Variants in KCNH8 observed in about 807,000 individuals in gnomAD.
The protein encoded by KCNH8 is potassium voltage-gated channel subfamily H member 8, also known as voltage-gated delayed rectifier potassium channel KCNH8.
In KCNH8, 70 loss-of-function variants were observed where a neutral mutation model predicts 103.6. That is an observed-to-expected ratio of 0.68 (90% CI 0.56 to 0.82). KCNH8 has a LOEUF of 0.82. Ranked by LOEUF, KCNH8 falls within the 40% of genes least tolerant of loss-of-function variation. The probability of loss-of-function intolerance (pLI) is 0.00; values close to 1 mark genes in which losing one functional copy is unlikely to be tolerated. For missense variants in KCNH8, 1,217 were observed against 1,329.9 expected, an observed-to-expected ratio of 0.92 and a Z score of 1.32; for synonymous variants, 498 against 489.4, an observed-to-expected ratio of 1.02 and a Z score of -0.23.
Position 19,437,687 on chromosome 3 carries a change from A to G in KCNH8, c.1178-477A>G, listed in dbSNP as rs1205938480. Among the ~76,000 whole-genome samples, 3 of 152,234 alleles carry G rather than the reference A, an allele frequency of 2.0e-5. No individual in the cohort carries two copies. The East Asian group carries it at 5.8e-4, about 29-fold the overall frequency. ...AAGGGGAAGAGTTTTACAGAATGGA[A>G]ATAAAGTCTATCTCACCCAGACTTC... On this transcript the variant is annotated intron_variant, in intron 7 of 15. Transcript: ENST00000328405.
At chr3:19,349,075 A>G (rs988446801) in intron 5 of KCNH8, among the ~76,000 whole-genome samples, 2 of 152,012 alleles carry the variant, frequency 1.3e-5, no homozygotes, top group Admixed American at 1.3e-4. Context: ...GAGCCTTGAT[A>G]GGACCTCTGC....
chr3:19,335,036 T>A (rs2065563221), intron 3 of KCNH8, among the ~76,000 whole-genome samples: 2 of 151,996 alleles, frequency 1.3e-5, no homozygotes, highest in Admixed American at 1.3e-4. Context: ...TAAATTACCT[T>A]CATTCTCTCT....
intron 1 of KCNH8, among the ~76,000 whole-genome samples, chr3:19,216,380 A>T (rs527818470): frequency 3.3e-5 from 5 of 152,336 alleles, no homozygotes; most frequent in African/African-American, 9.6e-5. Context: ...GTAACTTTGG[A>T]CGAAATTCAA....
intron 3 of KCNH8, among the ~76,000 whole-genome samples, chr3:19,287,847 G>A (rs898769956): frequency 1.8e-4 from 27 of 151,982 alleles, no homozygotes; most frequent in African/African-American, 6.5e-4. Context: ...GCCTCCTGAA[G>A]TGTTAGGATT....
chr3:19,260,967 CAT>C (rs138181171), intron 2 of KCNH8, among the ~76,000 whole-genome samples: 13,065 of 131,912 alleles, frequency 0.099, 637 homozygotes, highest in East Asian at 0.16. Flanking sequence ...GAATAATATT[CAT>C]ATATATATAT....
intron 1 of KCNH8, among the ~76,000 whole-genome samples, chr3:19,211,328 G>A (rs1302190975): frequency 1.3e-5 from 2 of 152,300 alleles, no homozygotes; most frequent in East Asian, 3.9e-4. Flanking sequence ...TTTAAAAGAT[G>A]GAGAGCCTAC....
chr3:19,148,982 G>A (rs1211663329), intron 1 of KCNH8, among the ~76,000 whole-genome samples, 187 bp downstream of exon 1: 1 of 152,056 alleles, frequency 6.6e-6, no homozygotes, highest in Non-Finnish European at 1.5e-5. Flanking sequence ...ACTTTGTATT[G>A]GTGTAATAGT....
chr3:19,164,217 CAAG>C (rs2063260821), intron 1 of KCNH8, among the ~76,000 whole-genome samples: 1 of 152,110 alleles, frequency 6.6e-6, no homozygotes, highest in African/African-American at 2.4e-5. Flanking sequence ...ACTTGAGAGA[CAAG>C]GAGCCAGAGA....
chr3:19,440,160 G>A (rs554928138), intron 8 of KCNH8, among the ~76,000 whole-genome samples: 56 of 152,154 alleles, frequency 3.7e-4, no homozygotes, highest in African/African-American at 1.3e-3. Flanking sequence ...GCAGATTCAA[G>A]GGAAGACTTT....
intron 10 of KCNH8, among the ~76,000 whole-genome samples, chr3:19,451,785 AAATT>A (rs2067451887): frequency 1.3e-5 from 2 of 152,190 alleles, no homozygotes; most frequent in Non-Finnish European, 2.9e-5. Context: ...TTTTTGTGGA[AAATT>A]AATTCAGAGA....
intron 7 of KCNH8, among the ~76,000 whole-genome samples, chr3:19,408,320 A>T (rs2066725445): frequency 1.3e-5 from 2 of 151,862 alleles, no homozygotes; most frequent in Non-Finnish European, 1.5e-5. Flanking sequence ...AGGGAAAGAA[A>T]ATAATAATAA....
intron 7 of KCNH8, among the ~76,000 whole-genome samples, chr3:19,408,610 A>C (rs116147429): frequency 0.01 from 1,588 of 152,178 alleles, 24 homozygotes; most frequent in African/African-American, 0.036. Flanking sequence ...AATCAACACA[A>C]AAAAAATTCT....
At chr3:19,431,733 G>A (rs933947735) in intron 7 of KCNH8, among the ~76,000 whole-genome samples, 2 of 151,532 alleles carry the variant, frequency 1.3e-5, no homozygotes, top group African/African-American at 2.4e-5. Context: ...CCTTGGGAAG[G>A]TGTATGTACC....
At chr3:19,424,365 A>G (rs896856138) in intron 7 of KCNH8, among the ~76,000 whole-genome samples, 2 of 152,202 alleles carry the variant, frequency 1.3e-5, no homozygotes, top group Non-Finnish European at 2.9e-5. Flanking sequence ...TGGGGAAAGA[A>G]CAACCTATTC....
chr3:19,455,983 A>G (rs1325445032), intron 10 of KCNH8, among the ~76,000 whole-genome samples: 2 of 152,108 alleles, frequency 1.3e-5, no homozygotes, highest in African/African-American at 4.8e-5. Context: ...CTGCATCAGT[A>G]TCCAACTTTG....
chr3:19,217,940 G>A (rs2063833593), intron 1 of KCNH8, among the ~76,000 whole-genome samples: 2 of 152,284 alleles, frequency 1.3e-5, no homozygotes, highest in Non-Finnish European at 2.9e-5. Flanking sequence ...AGGGATGCAG[G>A]AGGATGCCAG....
At chr3:19,380,249 C>G (rs772133810) in intron 5 of KCNH8, among the ~76,000 whole-genome samples, 2 of 152,120 alleles carry the variant, frequency 1.3e-5, no homozygotes, top group Non-Finnish European at 2.9e-5. Flanking sequence ...AAAAACAAAA[C>G]TTTAAACATG....
chr3:19,330,529 GTTGAA>G (rs891625929), intron 3 of KCNH8, among the ~76,000 whole-genome samples: 10 of 152,180 alleles, frequency 6.6e-5, no homozygotes, highest in Non-Finnish European at 1.5e-4. Context: ...TGACATTTAA[GTTGAA>G]TTGAAGTTAT....
chr3:19,371,056 G>T (rs2066085079), intron 5 of KCNH8, among the ~76,000 whole-genome samples: 1 of 151,996 alleles, frequency 6.6e-6, no homozygotes, highest in Admixed American at 6.6e-5. Context: ...TGTGAATAAT[G>T]CCGCAATAAA....
Sources: allele counts gnomAD v4.1 joint callset (sites outside exome capture counted in the v4.1 genomes callset), GRCh38; gene constraint gnomAD v4.1.1; transcripts MANE v1.5; gene names NCBI Gene and HGNC (gene_info 2026-07-23, HGNC 2026-07-21).